MON1A: variants seen among roughly 807,000 people sequenced by gnomAD.
MON1A encodes MON1 vesicular trafficking associated A.
A neutral mutation model predicts 44.6 loss-of-function variants in MON1A; 29 were observed. That is an observed-to-expected ratio of 0.65 (90% CI 0.48 to 0.89). MON1A has a LOEUF of 0.89. MON1A is among the 40% of genes least tolerant of loss of function. The probability of loss-of-function intolerance (pLI) is 0.00; values close to 1 mark genes in which losing one functional copy is unlikely to be tolerated. For synonymous variants in MON1A, 275 were observed against 316.4 expected (o/e 0.87, Z 1.39); for missense variants, 615 against 759.6 (o/e 0.81, Z 2.24).
intron 1 of MON1A, among the ~76,000 whole-genome samples, chr3:49,928,685 G>A (rs774670947): frequency 6.6e-6 from 1 of 152,132 alleles, no homozygotes; most frequent in Non-Finnish European, 1.5e-5. Context: ...CGGCCTGTCT[G>A]GAAAGGAGGT....
At chr3:49,920,882 G>A (rs1166311325) in intron 1 of MON1A, among the ~76,000 whole-genome samples, 1 of 151,522 alleles carries the variant, frequency 6.6e-6, no homozygotes. Context: ...TCCTAGCTGG[G>A]TATGGTGGCT....
At chr3:49,922,137 C>CAAA (rs57221907) in intron 1 of MON1A, among the ~76,000 whole-genome samples, 1 of 134,948 alleles carries the variant, frequency 7.4e-6, no homozygotes, top group African/African-American at 2.7e-5. Flanking sequence ...AGCTCTGTCT[C>CAAA]AAAAAAAAAA....
chr3:49,917,377 C>T (rs948501069), intron 1 of MON1A, among the ~76,000 whole-genome samples: 2 of 152,076 alleles, frequency 1.3e-5, no homozygotes, highest in African/African-American at 2.4e-5. Context: ...GCTCTGCCTC[C>T]CCAGTTTATG....
At chr3:49,913,111 G>T in intron 2 of MON1A, 109 bp downstream of exon 2, 2 of 1,441,092 alleles carry the variant, frequency 1.4e-6, no homozygotes, top group South Asian at 1.2e-5. Flanking sequence ...TCCAATGAGT[G>T]ACTGACAAAT....
In MON1A at chr3:49,909,037, T is replaced by C. The variant is rs1328234170; in HGVS notation, c.1645A>G (p.Ile549Val). The C allele has an allele frequency of 5.6e-6, 9 of 1,613,486 alleles. No homozygotes were observed. The highest frequency in any genetic ancestry group is 2.7e-5 in the African/African-American group (2 of 74,920). Residue 549 changes from isoleucine to valine, a missense_variant, in exon 6 of 6, where the codon ATT (isoleucine) becomes GTT (valine). Physicochemically the swap from Ile to Val is conservative, Grantham distance 29. Coordinates refer to ENST00000296473, the MANE Select transcript of MON1A (RefSeq NM_032355.4). The surrounding 1 kb of genome is among the most constrained non-coding windows in gnomAD (Gnocchi z 4.0). The part of the protein sequence containing the change: ...WIRKEEDRLF[I>V]LTPLTY ...CATCAATAGGTGAGGGGCGTGAGAA[T>C]GAAGAGGCGGTCTTCCTCTTTGCGG...
intron 2 of MON1A, 132 bp from the exon 3 acceptor site, chr3:49,912,143 C>T: frequency 2.7e-6 from 3 of 1,124,462 alleles, no homozygotes; most frequent in Non-Finnish European, 3.7e-6. Context: ...CCTTCTGCCA[C>T]TGTCTGCCAT....
Position 49,911,184 on chromosome 3 carries a change from G to A in MON1A, c.614-300C>T, listed in dbSNP as rs1379653613. 1.4e-5 allele frequency among the ~76,000 whole-genome samples: 2 copies of A among 142,498 alleles called. No individual in the cohort carries two copies. Among genetic ancestry groups the A allele is most frequent in the African/African-American group, 2.8e-5 (1 of 36,052 alleles). 93.5% of individuals were successfully genotyped at this position (142,498 alleles called of 152,430 possible). A position where few individuals can be genotyped will look rare whatever the true frequency, so the allele number is the denominator to read the frequency against. Reference sequence around the variant, plus strand: ...GGTGGAGCTCAGGACCTGGGAGATAGATAGATTAGATAGATAGATAGATAG... The same window carrying A: ...GGTGGAGCTCAGGACCTGGGAGATAAATAGATTAGATAGATAGATAGATAG... On this transcript the variant is annotated intron_variant, in intron 3 of 5. Coordinates refer to ENST00000296473, the MANE Select transcript of MON1A (RefSeq NM_032355.4). This position sits in a 1 kb window ranked among gnomAD's most constrained non-coding sequence, Gnocchi z 5.7.
intron 2 of MON1A, chr3:49,912,774 C>A (rs2082901444): frequency 3.8e-6 from 1 of 265,130 alleles, no homozygotes. Flanking sequence ...GTCTCTCTTG[C>A]GAATTCAGCC....
rs1371162743 is a variant in MON1A at position 49,910,630 on chromosome 3, T to C, written c.868A>G (p.Met290Val). 6.2e-7 allele frequency: 1 copy of C among 1,603,222 alleles called. No individual in the cohort carries two copies. Among genetic ancestry groups the C allele is most frequent in the African/African-American group, 1.3e-5 (1 of 74,682 alleles). The change falls in exon 4 of 6, where the codon ATG becomes GTG. Residue 290 changes from methionine (M) to valine (V), a missense_variant. By Grantham distance (21) the Met-to-Val change is conservative. Coordinates refer to ENST00000296473, the MANE Select transcript of MON1A (RefSeq NM_032355.4). The surrounding 1 kb of genome is among the most constrained non-coding windows in gnomAD (Gnocchi z 8.0). Reference protein sequence around the residue: ...QLMARDPSFLMGAARCLPLAA... With the variant: ...QLMARDPSFLVGAARCLPLAA... ...AGGGGCAGGCACCGTGCCGCCCCCA[T>C]CAGGAAGCTGGGGTCTCGTGCCATG... is the stretch of plus-strand genomic sequence containing the variant.
chr3:49,910,407 C>G lies in MON1A; in HGVS notation c.1091G>C (p.Trp364Ser). ...GAATTTGGGCAGGCACACGGGCGTC[C>G]AGGCCTCGCCCTCGCGAAAGGACGA... ...SSSSFREGEA[W>S]TPVCLPKFNA... Residue 364 changes from tryptophan (W) to serine (S), a missense_variant, in exon 4 of 6, where the codon TGG (tryptophan) becomes TCG (serine). Coordinates refer to ENST00000296473, the MANE Select transcript of MON1A (RefSeq NM_032355.4). This position sits in a 1 kb window ranked among gnomAD's most constrained non-coding sequence, Gnocchi z 8.0. 8 of 1,614,230 alleles carry G rather than the reference C, an allele frequency of 5.0e-6. No homozygotes were observed. The highest frequency in any genetic ancestry group is 6.8e-6 in the Non-Finnish European group (8 of 1,180,044).
intron 1 of MON1A, 149 bp downstream of exon 1, chr3:49,929,460 G>A (rs2083076404): frequency 1.1e-6 from 1 of 915,474 alleles, no homozygotes; most frequent in East Asian, 2.7e-5. Flanking sequence ...GGACTAGCCG[G>A]CTGAGGGACC....
rs915444789 is a variant in MON1A at position 49,927,931 on chromosome 3, A to G, written c.-14+1678T>C. Among the ~76,000 whole-genome samples the G allele has an allele frequency of 4.6e-5, 7 of 151,024 alleles. 1 individual carries two copies. The highest frequency in any genetic ancestry group is 4.6e-4 in the Admixed American group (7 of 15,130). On this transcript the variant is annotated intron_variant, in intron 1 of 5. Coordinates refer to ENST00000296473, the MANE Select transcript of MON1A (RefSeq NM_032355.4). The stretch of plus-strand genomic sequence containing the variant: ...AAAAAACAACAAAAAAAAACAAAAA[A>G]CTCCTTGGTCTGCCACATGCCACTG...
chr3:49,924,627 A>G lies in MON1A; in HGVS notation c.-14+4982T>C. ...CCGGGGGGAGGCAGAGGTTGCAGTG[A>G]GCTGAGATCGCACTGCTGCACTCCA... On this transcript the variant is annotated intron_variant, in intron 1 of 5. Transcript: ENST00000296473. 5 of 193,876 alleles carry G rather than the reference A, an allele frequency of 2.6e-5. No individual in the cohort carries two copies. The South Asian group carries it at 2.7e-4, about 10-fold the overall frequency. 12.0% of individuals were successfully genotyped at this position (193,876 alleles called of 1,614,324 possible). A position where few individuals can be genotyped will look rare whatever the true frequency, so the allele number is the denominator to read the frequency against.
rs1391951796 is a variant in MON1A at position 49,910,723 on chromosome 3, T to A, written c.775A>T (p.Lys259Ter). The A allele has an allele frequency of 6.2e-7, 1 of 1,613,936 alleles. No individual in the cohort carries two copies. The highest frequency in any genetic ancestry group is 2.2e-5 in the East Asian group (1 of 44,864). The change falls in exon 4 of 6, where the codon AAG becomes TAG. Residue 259 changes from lysine (K) to a stop codon, truncating the protein, a stop_gained. Coordinates refer to ENST00000296473, the MANE Select transcript of MON1A (RefSeq NM_032355.4). LOFTEE classifies it high-confidence loss of function. The surrounding 1 kb of genome is among the most constrained non-coding windows in gnomAD (Gnocchi z 8.0). ...AGGCGCCGCAAATCATAGTTCTGCT[T>A]CTGCTGGAAGATGTGGCTCAGCTGC... ...GAQLSHIFQQ[K>*]QNYDLRRLLS...
intron 1 of MON1A, among the ~76,000 whole-genome samples, chr3:49,917,429 G>A (rs1339091704): frequency 2.6e-5 from 4 of 152,042 alleles, no homozygotes; most frequent in African/African-American, 9.7e-5. Flanking sequence ...GGGACTATAG[G>A]CGCCCGCCAC....
At position 49,911,011 on chromosome 3, in the gene MON1A, T is replaced by A; in HGVS notation, c.614-127A>T. 1 of 926,848 alleles carries A rather than the reference T, an allele frequency of 1.1e-6. No individual in the cohort carries two copies. Among genetic ancestry groups the A allele is most frequent in the African/African-American group, 1.7e-5 (1 of 60,160 alleles). The allele number at this position is 926,848 out of a possible 1,614,324, so 57.4% of individuals were successfully genotyped here. A position where few individuals can be genotyped will look rare whatever the true frequency, so the allele number is the denominator to read the frequency against. On this transcript the variant is annotated intron_variant, in intron 3 of 5. Coordinates refer to ENST00000296473, the MANE Select transcript of MON1A (RefSeq NM_032355.4). The surrounding 1 kb of genome is among the most constrained non-coding windows in gnomAD (Gnocchi z 5.7). ...CAGAGCTCTGCGCACAGTAGGGGTT[T>A]AAGGATGTTCAGGATAAAAACCCAT...
Position 49,911,190 on chromosome 3 carries a change from TTAGATAGATAGATAGA to T in MON1A, c.613+320_614-307del, listed in dbSNP as rs10564221. Among the ~76,000 whole-genome samples, 116 of 95,552 alleles carry T rather than the reference TTAGATAGATAGATAGA, an allele frequency of 1.2e-3. No individual in the cohort carries two copies. The highest frequency in any genetic ancestry group is 1.8e-3 in the African/African-American group (40 of 21,638). 62.7% of individuals were successfully genotyped at this position (95,552 alleles called of 152,430 possible). ...GCTCAGGACCTGGGAGATAGATAGA[TTAGATAGATAGATAGA>T]TAGATAGATAGATAGATAGATAGAT... On this transcript the variant is annotated intron_variant, in intron 3 of 5. Coordinates refer to ENST00000296473, the MANE Select transcript of MON1A (RefSeq NM_032355.4). This position sits in a 1 kb window ranked among gnomAD's most constrained non-coding sequence, Gnocchi z 5.7.
At chr3:49,923,487 G>A (rs148865391) in intron 1 of MON1A, among the ~76,000 whole-genome samples, 1,893 of 144,464 alleles carry the variant, frequency 0.013, 28 homozygotes, top group Non-Finnish European at 0.015. Context: ...TTTTTTTTGA[G>A]ACAGTCTTGC....
chr3:49,923,613 T>A (rs1474764748), intron 1 of MON1A, among the ~76,000 whole-genome samples: 2 of 150,422 alleles, frequency 1.3e-5, no homozygotes, highest in Admixed American at 6.6e-5. Flanking sequence ...GCCACCACAT[T>A]GGCTAATTTT....
Sources: gnomAD v4.1 joint callset for allele counts (sites outside exome capture counted in the v4.1 genomes callset) on GRCh38, gnomAD v4.1.1 for gene constraint, Gnocchi (gnomAD v3.1) non-coding constraint, MANE v1.5 for transcripts, NCBI Gene and HGNC (gene_info 2026-07-23, HGNC 2026-07-21) for gene names.